RNF138: variants seen among roughly 807,000 people sequenced by gnomAD.
RNF138 encodes the protein E3 ubiquitin-protein ligase RNF138.
Under a neutral mutation model 31.0 loss-of-function variants are expected in RNF138, and 12 were observed. That is an observed-to-expected ratio of 0.39 (90% CI 0.25 to 0.63). The LOEUF is 0.63. RNF138 is among the 20% of genes least tolerant of loss of function. RNF138 has a pLI of 0.52. For synonymous variants in RNF138, 105 were observed against 99.5 expected, an observed-to-expected ratio of 1.06 and a Z score of -0.33; for missense variants, 192 against 300.1, an observed-to-expected ratio of 0.64 and a Z score of 2.66.
chr18:32,123,785 T>A (rs2144285083), intron 5 of RNF138, among the ~76,000 whole-genome samples: 1 of 151,894 alleles, frequency 6.6e-6, no homozygotes, highest in South Asian at 2.1e-4. Flanking sequence ...CCCAAGTATC[T>A]GGTATTACAG....
intron 2 of RNF138, among the ~76,000 whole-genome samples, chr18:32,107,549 C>T (rs2040055295): frequency 6.6e-6 from 1 of 151,328 alleles, no homozygotes; most frequent in African/African-American, 2.4e-5. Flanking sequence ...GAGATGGAGT[C>T]TCACCCTGTC....
chr18:32,125,847 G>A (rs1373221708), intron 6 of RNF138, among the ~76,000 whole-genome samples: 1 of 152,108 alleles, frequency 6.6e-6, no homozygotes, highest in East Asian at 1.9e-4. Flanking sequence ...ACCTAAGAAG[G>A]TGTACTACCT....
intron 2 of RNF138, among the ~76,000 whole-genome samples, chr18:32,097,781 C>T (rs138310811): frequency 0.019 from 2,851 of 151,888 alleles, 37 homozygotes; most frequent in Non-Finnish European, 0.028. Flanking sequence ...CCTTGGCCTC[C>T]GAAAGTGCTG....
intron 2 of RNF138, among the ~76,000 whole-genome samples, chr18:32,098,964 C>G (rs1380616310): frequency 2.7e-5 from 4 of 146,562 alleles, no homozygotes; most frequent in Non-Finnish European, 5.9e-5. Flanking sequence ...ATTATCGACT[C>G]GGAAAATAGA....
chr18:32,124,289 T>G (rs2040351806), intron 5 of RNF138: 1 of 153,872 alleles, frequency 6.5e-6, no homozygotes, highest in Non-Finnish European at 1.4e-5. Context: ...GGCCTGGTAT[T>G]TATTAGAGAT....
At chr18:32,097,250 A>T (rs532308401) in intron 2 of RNF138, among the ~76,000 whole-genome samples, 8 of 152,216 alleles carry the variant, frequency 5.3e-5, no homozygotes, top group Non-Finnish European at 1.0e-4. Context: ...GAAGTAAGCT[A>T]CTATTGCAAT....
At chr18:32,095,533 C>G (rs2039789648) in intron 2 of RNF138, among the ~76,000 whole-genome samples, 1 of 152,104 alleles carries the variant, frequency 6.6e-6, no homozygotes, top group South Asian at 2.1e-4. Flanking sequence ...AAGGACAGAC[C>G]TATGCCTTTA....
intron 2 of RNF138, among the ~76,000 whole-genome samples, chr18:32,098,188 A>G (rs1160897029): frequency 2.0e-5 from 3 of 151,902 alleles, no homozygotes; most frequent in Non-Finnish European, 2.9e-5. Flanking sequence ...GGGTTTTACC[A>G]TGTTGGCCAG....
At chr18:32,124,497 T>A in intron 5 of RNF138, 1 of 391,888 alleles carries the variant, frequency 2.6e-6, no homozygotes, top group East Asian at 4.0e-5. Context: ...GTTTTTGTTT[T>A]GGCCTAGAGG....
rs370706503 is a variant in RNF138 at position 32,102,337 on chromosome 18, G to A, written c.111-9417G>A. On this transcript the variant is annotated intron_variant, in intron 2 of 7. Transcript: ENST00000261593. Reference sequence around the variant, plus strand: ...CTGCCTCAGCCTCCCGAGTAGCTGGGACTACAGGCGCCCGCCGCCACGCCC... The same window carrying A: ...CTGCCTCAGCCTCCCGAGTAGCTGGAACTACAGGCGCCCGCCGCCACGCCC... 6.0e-4 allele frequency among the ~76,000 whole-genome samples: 91 copies of A among 151,258 alleles called. 1 individual carries two copies. In the South Asian group the frequency reaches 0.013, roughly 22 times the overall value.
rs941823049 is a variant in RNF138, at chr18:32,118,085, T to TA, written c.392+4234dup. ...TTCAAATACAGCTCTTCACAAAAAC[T>TA]AAAAAAAAATTACCAGCAGTCTTTT... On this transcript the variant is annotated intron_variant, in intron 4 of 7. Transcript: ENST00000261593. Among the ~76,000 whole-genome samples, 6 of 151,734 alleles carry TA rather than the reference T, an allele frequency of 4.0e-5. 1 individual carries two copies. Among genetic ancestry groups the TA allele is most frequent in the East Asian group, 3.9e-4 (2 of 5,176 alleles).
At chr18:32,127,388 A>G (rs1349516387) in intron 7 of RNF138, among the ~76,000 whole-genome samples, 2 of 152,224 alleles carry the variant, frequency 1.3e-5, no homozygotes, top group African/African-American at 4.8e-5. Flanking sequence ...TGTTTTATTA[A>G]TTATTAAATT....
At chr18:32,104,503 G>A (rs2039996437) in intron 2 of RNF138, among the ~76,000 whole-genome samples, 1 of 152,104 alleles carries the variant, frequency 6.6e-6, no homozygotes. Context: ...CAGATACACA[G>A]AGATGGAAAA....
At chr18:32,097,944 A>ATGTG (rs34814991) in intron 2 of RNF138, among the ~76,000 whole-genome samples, 22 of 87,386 alleles carry the variant, frequency 2.5e-4, no homozygotes, top group South Asian at 6.9e-4. Context: ...GTATGTATAT[A>ATGTG]TGTGTGTGTG....
intron 2 of RNF138, among the ~76,000 whole-genome samples, chr18:32,101,960 TCAACC>T (rs2039948021): frequency 6.6e-6 from 1 of 151,936 alleles, no homozygotes. Context: ...TACTGCAGCC[TCAACC>T]TCCTAGGCTT....
At chr18:32,100,977 A>G (rs539753827) in intron 2 of RNF138, among the ~76,000 whole-genome samples, 5 of 152,210 alleles carry the variant, frequency 3.3e-5, no homozygotes, top group East Asian at 3.9e-4. Flanking sequence ...TCGAGAGAGT[A>G]TAAGAGAGGG....
At chr18:32,097,944 ATGTGTG>A (rs34814991) in intron 2 of RNF138, among the ~76,000 whole-genome samples, 11,771 of 87,274 alleles carry the variant, frequency 0.13, 939 homozygotes, top group African/African-American at 0.29. Context: ...GTATGTATAT[ATGTGTG>A]TGTGTGTGTG....
At chr18:32,109,970 G>T (rs1353920160) in intron 2 of RNF138, among the ~76,000 whole-genome samples, 2 of 152,086 alleles carry the variant, frequency 1.3e-5, no homozygotes, top group Admixed American at 1.3e-4. Context: ...TTGGTTTCTG[G>T]CTATGGTAAA....
At chr18:32,113,017 G>A (rs890056964) in intron 3 of RNF138, among the ~76,000 whole-genome samples, 1 of 152,140 alleles carries the variant, frequency 6.6e-6, no homozygotes, top group Admixed American at 6.6e-5. Flanking sequence ...AAACACACTC[G>A]AGAGATTCTG....
Sources: gnomAD v4.1 joint callset for allele counts (sites outside exome capture counted in the v4.1 genomes callset) on GRCh38, gnomAD v4.1.1 for gene constraint, MANE v1.5 for transcripts, NCBI Gene and HGNC (gene_info 2026-07-23, HGNC 2026-07-21) for gene names.